Variants in VTI1A observed in about 807,000 individuals in gnomAD.
VTI1A encodes vesicle transport through interaction with t-SNAREs homolog 1A.
VTI1A carries 22 observed loss-of-function variants against 34.9 expected under a neutral mutation model. The observed-to-expected ratio is 0.63, with a 90% CI of 0.45 to 0.90. The LOEUF (loss-of-function observed/expected upper bound fraction) is 0.90. Among genes scored for constraint, VTI1A ranks in the 40% least tolerant of loss-of-function variants. The pLI is 0.00. For synonymous variants in VTI1A, 87 were observed against 97.3 expected (o/e 0.89, Z 0.62); for missense variants, 268 against 275.6 (o/e 0.97, Z 0.20).
intron 7 of VTI1A, among the ~76,000 whole-genome samples, chr10:112,704,725 T>C (rs1849132494): frequency 6.6e-6 from 1 of 152,156 alleles, no homozygotes. Context: ...AGTTGAATGG[T>C]GTTAAAATTT....
intron 5 of VTI1A, among the ~76,000 whole-genome samples, chr10:112,554,152 C>T (rs562482579): frequency 2.0e-4 from 30 of 152,044 alleles, no homozygotes; most frequent in Non-Finnish European, 1.2e-4. Context: ...ATTTATATTC[C>T]TTAGGTCTGT....
At chr10:112,578,205 T>C (rs1341490197) in intron 5 of VTI1A, among the ~76,000 whole-genome samples, 3 of 152,006 alleles carry the variant, frequency 2.0e-5, no homozygotes, top group Non-Finnish European at 4.4e-5. Flanking sequence ...AAGAAATAAC[T>C]GAGGCTCGAA....
the VTI1A span, chr10:112,831,827 C>G: frequency 6.6e-6 from 1 of 152,150 alleles, no homozygotes; most frequent in African/African-American, 2.4e-5. Flanking sequence ...AATTGTAATT[C>G]TGCTATAGAT....
intron 5 of VTI1A, 122 bp downstream of exon 5, chr10:112,538,452 T>C (rs1007307302): frequency 6.3e-5 from 55 of 876,768 alleles, no homozygotes; most frequent in South Asian, 2.1e-4. Context: ...GGTTTACATA[T>C]TGGGGAGACA....
At chr10:112,709,437 A>ACCTT (rs1234350706) in intron 7 of VTI1A, among the ~76,000 whole-genome samples, 1 of 151,638 alleles carries the variant, frequency 6.6e-6, no homozygotes. Flanking sequence ...TGCAGCCTCT[A>ACCTT]CCTTCCTTCC....
chr10:112,811,710 A>AAAG (rs1564935097), intron 7 of VTI1A, among the ~76,000 whole-genome samples: 1 of 15,284 alleles, frequency 6.5e-5, no homozygotes, highest in Non-Finnish European at 1.4e-4. Flanking sequence ...AAAAAAAAAA[A>AAAG]AAGAGTGCAG....
intron 7 of VTI1A, among the ~76,000 whole-genome samples, chr10:112,759,526 G>A (rs185497010): frequency 1.3e-5 from 2 of 152,294 alleles, no homozygotes; most frequent in East Asian, 3.9e-4. Flanking sequence ...GCGTTAGAAA[G>A]TATTTTTGTT....
chr10:112,757,118 G>A (rs1851309716), intron 7 of VTI1A, among the ~76,000 whole-genome samples: 1 of 151,818 alleles, frequency 6.6e-6, no homozygotes, highest in Non-Finnish European at 1.5e-5. Flanking sequence ...CCAAGTGTAG[G>A]CCTCCATTAG....
At chr10:112,465,923 C>T (rs1410635724) in intron 3 of VTI1A, among the ~76,000 whole-genome samples, 1 of 151,854 alleles carries the variant, frequency 6.6e-6, no homozygotes, top group African/African-American at 2.4e-5. Flanking sequence ...TTTTAAAAAC[C>T]CTGCTAATGA....
chr10:112,839,062 G>A, the VTI1A span, among the ~76,000 whole-genome samples: 1 of 152,202 alleles, frequency 6.6e-6, no homozygotes, highest in East Asian at 1.9e-4. Context: ...ACTGAGGCTG[G>A]TTCTGCTGGT....
chr10:112,842,524 T>C, the VTI1A span, among the ~76,000 whole-genome samples: 1 of 152,226 alleles, frequency 6.6e-6, no homozygotes, highest in African/African-American at 2.4e-5. Context: ...CAGCCCCAGC[T>C]CTGGGACTAA....
chr10:112,575,992 C>T (rs1843692304), intron 5 of VTI1A, among the ~76,000 whole-genome samples: 1 of 151,396 alleles, frequency 6.6e-6, no homozygotes, highest in Non-Finnish European at 1.5e-5. Context: ...CCATTCCCAC[C>T]CTGCCCCCTG....
intron 7 of VTI1A, among the ~76,000 whole-genome samples, chr10:112,756,267 C>A (rs1851280398): frequency 6.6e-6 from 1 of 152,166 alleles, no homozygotes; most frequent in Non-Finnish European, 1.5e-5. Flanking sequence ...GCTTATCAAT[C>A]TTTTTCCAAA....
the VTI1A span, among the ~76,000 whole-genome samples, chr10:112,845,131 G>A: frequency 6.6e-6 from 1 of 152,200 alleles, no homozygotes; most frequent in Non-Finnish European, 1.5e-5. Flanking sequence ...TTGGTGTGAG[G>A]CCTGGGAGGG....
intron 5 of VTI1A, among the ~76,000 whole-genome samples, chr10:112,636,064 A>G (rs1294225714): frequency 6.6e-6 from 1 of 152,216 alleles, no homozygotes; most frequent in Non-Finnish European, 1.5e-5. Context: ...GCCAATAATT[A>G]TGGGTTGAGA....
At chr10:112,488,276 G>A (rs1047156894) in intron 3 of VTI1A, among the ~76,000 whole-genome samples, 12 of 152,142 alleles carry the variant, frequency 7.9e-5, no homozygotes, top group Admixed American at 2.0e-4. Flanking sequence ...CTATGTAAGA[G>A]CATATAAATT....
At chr10:112,655,132 C>T (rs544063412) in intron 5 of VTI1A, among the ~76,000 whole-genome samples, 1 of 152,302 alleles carries the variant, frequency 6.6e-6, no homozygotes, top group Admixed American at 6.5e-5. Context: ...CTTCTTGTCC[C>T]TCCACCCCCC....
intron 6 of VTI1A, 34 bp downstream of exon 6, chr10:112,668,322 C>T (rs1476656357): frequency 4.4e-6 from 7 of 1,599,272 alleles, no homozygotes; most frequent in Non-Finnish European, 6.0e-6. Context: ...TTCACATATT[C>T]AGTAAATGAA....
intron 7 of VTI1A, among the ~76,000 whole-genome samples, chr10:112,722,849 C>G (rs1849862054): frequency 6.6e-6 from 1 of 152,190 alleles, no homozygotes; most frequent in Admixed American, 6.5e-5. Context: ...TCAGTCTACT[C>G]TGAGCATGAG....
Sources: gnomAD v4.1 joint callset for allele counts (sites outside exome capture counted in the v4.1 genomes callset) on GRCh38, gnomAD v4.1.1 for gene constraint, MANE v1.5 for transcripts, NCBI Gene and HGNC (gene_info 2026-07-23, HGNC 2026-07-21) for gene names.